UGT2A2: variants seen among roughly 807,000 people sequenced by gnomAD.
The protein encoded by UGT2A2 is UDP glucuronosyltransferase family 2 member A2.
In UGT2A2, 60 loss-of-function variants were observed where a neutral mutation model predicts 50.7. The ratio of observed to expected loss-of-function variants is 1.18; its 90% CI spans 0.96 to 1.47. UGT2A2 has a LOEUF of 1.47. Ranked by LOEUF, UGT2A2 falls within the 40% of genes most tolerant of loss-of-function variation. UGT2A2 has a pLI of 0.00. For synonymous variants in UGT2A2, 242 were observed against 214.6 expected (o/e 1.13, Z -1.11); for missense variants, 762 against 634.0 (o/e 1.20, Z -2.17).
chr4:69,639,468 T>C lies in UGT2A2; in HGVS notation c.173A>G (p.Asn58Ser), dbSNP rs1281070914. The C allele has an allele frequency of 2.5e-6, 4 of 1,613,182 alleles. No homozygotes were observed. The highest frequency in any genetic ancestry group is 2.2e-5 in the South Asian group (2 of 90,900). The stretch of plus-strand genomic sequence containing the variant: ...TGCTGATGAAGCCAGTACAGTCACA[T>C]TGTGATTTCTTTGAATCAACTCTTC... ...ILEELIQRNH[N>S]VTVLASSATL... Residue 58 changes from asparagine to serine, a missense_variant, in exon 1 of 6, where the codon AAT (asparagine) becomes AGT (serine). Asn to Ser is a conservative substitution (Grantham distance 46). Transcript: ENST00000604629.
chr4:69,594,217 G>A (rs1228219521), intron 5 of UGT2A2, among the ~76,000 whole-genome samples: 1 of 151,904 alleles, frequency 6.6e-6, no homozygotes, highest in Non-Finnish European at 1.5e-5. Context: ...CTTGTGATCT[G>A]CCACCCTCAG....
intron 1 of UGT2A2, among the ~76,000 whole-genome samples, chr4:69,620,211 C>T (rs187426033): frequency 2.6e-5 from 4 of 152,038 alleles, no homozygotes; most frequent in Admixed American, 2.0e-4. Flanking sequence ...TCACACACAA[C>T]ATGATTCTAT....
At chr4:69,614,946 G>A (rs1434497135) in intron 1 of UGT2A2, among the ~76,000 whole-genome samples, 1 of 152,056 alleles carries the variant, frequency 6.6e-6, no homozygotes, top group African/African-American at 2.4e-5. Context: ...GGGGAAGCAA[G>A]CACATCTTCA....
At chr4:69,611,092 G>T (rs1577966508) in intron 1 of UGT2A2, among the ~76,000 whole-genome samples, 1 of 150,032 alleles carries the variant, frequency 6.7e-6, no homozygotes, top group Non-Finnish European at 1.5e-5. Context: ...AAAATAGGTA[G>T]AATAAATGTT....
chr4:69,618,112 T>C (rs893930667), intron 1 of UGT2A2, among the ~76,000 whole-genome samples: 3 of 151,952 alleles, frequency 2.0e-5, no homozygotes, highest in Admixed American at 1.3e-4. Context: ...TTTATATAGA[T>C]ATTTAGTATC....
At chr4:69,621,476 C>T (rs1487304111) in intron 1 of UGT2A2, among the ~76,000 whole-genome samples, 1 of 151,846 alleles carries the variant, frequency 6.6e-6, no homozygotes, top group Non-Finnish European at 1.5e-5. Flanking sequence ...GTCAGATTAG[C>T]TTTTATTAAA....
chr4:69,613,458 G>A (rs1469826664), intron 1 of UGT2A2, among the ~76,000 whole-genome samples: 1 of 151,916 alleles, frequency 6.6e-6, no homozygotes, highest in Non-Finnish European at 1.5e-5. Context: ...GTTGAAATAT[G>A]TTCCAAAACA....
At chr4:69,599,738 A>G (rs1455753719) in intron 1 of UGT2A2, 4 of 179,500 alleles carry the variant, frequency 2.2e-5, no homozygotes, top group Non-Finnish European at 4.6e-5. Context: ...AAAAGGAGAA[A>G]GGGAAGAAGA....
At chr4:69,589,680 A>T in intron 5 of UGT2A2, 29 bp from the exon 6 acceptor site, 2 of 1,567,976 alleles carry the variant, frequency 1.3e-6, no homozygotes, top group Non-Finnish European at 1.7e-6. Context: ...GGCAGAAATT[A>T]GACAATTTTT....
chr4:69,594,606 G>T lies in UGT2A2; in HGVS notation c.1202C>A (p.Pro401His). The T allele has an allele frequency of 6.2e-7, 1 of 1,614,080 alleles. No homozygotes were observed. The highest frequency in any genetic ancestry group is 8.5e-7 in the Non-Finnish European group (1 of 1,180,010). Residue 401 changes from proline (P) to histidine (H), a missense_variant, in exon 5 of 6, where the codon CCC becomes CAC. By Grantham distance (77) the Pro-to-His change is moderately conservative. Transcript: ENST00000604629. ...GTTATCAGGCTGATCAGCAAACATG[G>T]GAACTCCCACCATAGGGACTCCGTG... ...IYHGVPMVGV[P>H]MFADQPDNIA...
rs1288999985 is a variant in UGT2A2 at position 69,588,555 on chromosome 4, TA to T, written c.*816del. ...TTATGTAATTATTTGTACAGTTGAC[TA>T]AAAATTTTATAAAAATGATAATTAT... On this transcript the variant is annotated 3_prime_UTR_variant, in exon 6 of 6. Coordinates refer to ENST00000604629, the MANE Select transcript of UGT2A2 (RefSeq NM_001105677.2). 6.6e-6 allele frequency: 1 copy of T among 152,126 alleles called. No homozygotes were observed. Among genetic ancestry groups the T allele is most frequent in the African/African-American group, 2.4e-5 (1 of 41,456 alleles). 9.4% of individuals were successfully genotyped at this position (152,126 alleles called of 1,614,324 possible). A position where few individuals can be genotyped will look rare whatever the true frequency, so the allele number is the denominator to read the frequency against.
At chr4:69,607,681 G>T (rs1482039495) in intron 1 of UGT2A2, among the ~76,000 whole-genome samples, 1 of 152,094 alleles carries the variant, frequency 6.6e-6, no homozygotes, top group Non-Finnish European at 1.5e-5. Context: ...CTGACAAAGG[G>T]CTAATATCCA....
chr4:69,616,644 G>C (rs1720406423), intron 1 of UGT2A2, among the ~76,000 whole-genome samples: 1 of 151,762 alleles, frequency 6.6e-6, no homozygotes, highest in South Asian at 2.1e-4. Flanking sequence ...CAATTAATTT[G>C]AGAGAAATGA....
Position 69,589,192 on chromosome 4 carries a change from A to C in UGT2A2, c.*180T>G. On this transcript the variant is annotated 3_prime_UTR_variant, in exon 6 of 6. Coordinates refer to ENST00000604629, the MANE Select transcript of UGT2A2 (RefSeq NM_001105677.2). Reference sequence around the variant, plus strand: ...AGAAGACTATAACTCACAAGTTAATAATAATCATGCCAAAATCTAGGCTTT... The same window carrying C: ...AGAAGACTATAACTCACAAGTTAATCATAATCATGCCAAAATCTAGGCTTT... 1 of 771,156 alleles carries C rather than the reference A, an allele frequency of 1.3e-6. No individual in the cohort carries two copies. The highest frequency in any genetic ancestry group is 3.2e-5 in the South Asian group (1 of 31,270). The allele number at this position is 771,156 out of a possible 1,614,324, so 47.8% of individuals were successfully genotyped here.
chr4:69,614,137 A>G (rs1720233580), intron 1 of UGT2A2, among the ~76,000 whole-genome samples: 1 of 130,498 alleles, frequency 7.7e-6, no homozygotes, highest in African/African-American at 3.1e-5. Context: ...GTTCCAGGAC[A>G]CAAAATCAAC....
intron 4 of UGT2A2, 55 bp from the exon 5 acceptor site, chr4:69,594,751 T>C: frequency 1.3e-5 from 20 of 1,559,990 alleles, no homozygotes; most frequent in Non-Finnish European, 1.7e-5. Context: ...ATTAGCAGAA[T>C]TTGAGAGACA....
intron 1 of UGT2A2, among the ~76,000 whole-genome samples, chr4:69,610,903 A>G (rs891227507): frequency 6.6e-6 from 1 of 152,160 alleles, no homozygotes; most frequent in Non-Finnish European, 1.5e-5. Context: ...AGGAAGTTAA[A>G]TTAGCTAATC....
At chr4:69,611,927 T>G (rs1720084821) in intron 1 of UGT2A2, among the ~76,000 whole-genome samples, 2 of 152,122 alleles carry the variant, frequency 1.3e-5, no homozygotes, top group Non-Finnish European at 1.5e-5. Context: ...CTCTTACAAA[T>G]AAATTCCATT....
intron 1 of UGT2A2, among the ~76,000 whole-genome samples, chr4:69,615,394 G>T (rs1402046278): frequency 1.3e-5 from 2 of 152,034 alleles, no homozygotes; most frequent in South Asian, 2.1e-4. Flanking sequence ...AACCGAAAAA[G>T]CTTCTGCACA....
Sources: gnomAD v4.1 joint callset for allele counts (sites outside exome capture counted in the v4.1 genomes callset) on GRCh38, gnomAD v4.1.1 for gene constraint, MANE v1.5 for transcripts, NCBI Gene and HGNC (gene_info 2026-07-23, HGNC 2026-07-21) for gene names.